Variants in CFHR5 observed in about 807,000 individuals in gnomAD.
CFHR5 encodes the protein complement factor H related 5.
CFHR5 carries 73 observed loss-of-function variants against 62.9 expected under a neutral mutation model. The observed-to-expected ratio is 1.16, with a 90% CI of 0.96 to 1.41. The LOEUF (loss-of-function observed/expected upper bound fraction) is 1.41. Among genes scored for constraint, CFHR5 ranks in the 40% most tolerant of loss-of-function variants. CFHR5 has a pLI of 0.00. For synonymous variants in CFHR5, 249 were observed against 227.2 expected (o/e 1.10, Z -0.86); for missense variants, 779 against 679.9 (o/e 1.15, Z -1.62).
At chr1:196,976,659 T>G (rs6694672), upstream of CFHR5, among the ~76,000 whole-genome samples, 27,692 of 151,970 alleles carry the variant, frequency 0.18, 4,367 homozygotes, top group African/African-American at 0.43. Flanking sequence ...TTATCCAGTT[T>G]TATTGCTGCC....
Position 196,994,250 on chromosome 1 carries a change from T to A in CFHR5, c.601T>A (p.Cys201Ser). The change falls in exon 4 of 10, where the codon TGC becomes AGC. Residue 201 changes from cysteine to serine, a missense_variant. Physicochemically the swap from Cys to Ser is moderately radical, Grantham distance 112. Transcript: ENST00000256785. ...TGGGTGGTCACCTAACTTTCCAACA[T>A]GCAAAGGTCAGTATTTATTTTAGAA... ...QFGWSPNFPT[C>S]KGQVRSCGPP... 6 of 1,610,854 alleles carry A rather than the reference T, an allele frequency of 3.7e-6. No homozygotes were observed. The highest frequency in any genetic ancestry group is 5.1e-6 in the Non-Finnish European group (6 of 1,177,226).
In CFHR5 at chr1:196,984,052, C is replaced by T. The variant is rs1653616314; in HGVS notation, c.345C>T (p.Asn115=). 32 of 1,613,442 alleles carry T rather than the reference C, an allele frequency of 2.0e-5. No homozygotes were observed. Among genetic ancestry groups the T allele is most frequent in the Non-Finnish European group, 2.7e-5 (32 of 1,179,552 alleles). ...GTGATACTGTACAAATTATTTGCAA[C>T]ACAGGATACAGCCTTCAAAACAATG... ...LEGDTVQIIC[N]TGYSLQNNEK... The change falls in exon 3 of 10, where the codon AAC becomes AAT. Residue 115 remains asparagine (N), a synonymous_variant. Transcript: ENST00000256785.
Position 197,009,381 on chromosome 1 carries a change from C to T in CFHR5, c.*698C>T, listed in dbSNP as rs1654378315. The T allele has an allele frequency of 1.3e-5, 2 of 152,290 alleles. No homozygotes were observed. The highest frequency in any genetic ancestry group is 3.4e-3 in the Middle Eastern group (1 of 294). 9.4% of individuals were successfully genotyped at this position (152,290 alleles called of 1,614,324 possible). A position where few individuals can be genotyped will look rare whatever the true frequency, so the allele number is the denominator to read the frequency against. On this transcript the variant is annotated 3_prime_UTR_variant, in exon 10 of 10. Transcript: ENST00000256785. ...CATGGGGAATTTTATTCATAAATGT[C>T]CACAGAAACAGTAAATGTTCTCGCT...
chr1:196,998,129 A>G lies in CFHR5; in HGVS notation c.972A>G (p.Ala324=), dbSNP rs1318586171. The G allele has an allele frequency of 5.3e-6, 8 of 1,520,884 alleles. No homozygotes were observed. In the African/African-American group the frequency reaches 6.9e-5, roughly 13 times the overall value. 94.2% of individuals were successfully genotyped at this position (1,520,884 alleles called of 1,614,324 possible). The change falls in exon 7 of 10, where the codon GCA becomes GCG. Residue 324 remains alanine, a splice_region_variant and synonymous_variant. Coordinates refer to ENST00000256785, the MANE Select transcript of CFHR5 (RefSeq NM_030787.4). ...TCTATTTAATATTATTTTTTATAGCAACACACCAACTTAAGAGGTGCAAAA... is the reference window on the plus strand; with the variant it reads ...TCTATTTAATATTATTTTTTATAGCGACACACCAACTTAAGAGGTGCAAAA... ...GIWTELPMCV[A]THQLKRCKIA... is the part of the protein sequence containing the mutation.
At chr1:196,996,315 C>T (rs894977270) in intron 6 of CFHR5, 114 bp downstream of exon 6, 2 of 814,492 alleles carry the variant, frequency 2.5e-6, no homozygotes, top group African/African-American at 3.4e-5. Context: ...CTCTTCCTTC[C>T]ACAAGTAAAA....
chr1:196,999,712 T>TACAC (rs1472655398), intron 7 of CFHR5, among the ~76,000 whole-genome samples: 2 of 48,358 alleles, frequency 4.1e-5, no homozygotes, highest in Non-Finnish European at 9.6e-5. Context: ...TATATATATA[T>TACAC]ATATATATAT....
intron 3 of CFHR5, among the ~76,000 whole-genome samples, chr1:196,993,416 TC>T (rs943527888): frequency 5.9e-5 from 9 of 152,212 alleles, no homozygotes; most frequent in African/African-American, 1.4e-4. Context: ...TGCCTCAGCC[TC>T]CCTAGTAGTT....
intron 3 of CFHR5, among the ~76,000 whole-genome samples, chr1:196,988,209 A>C (rs1459097788): frequency 6.6e-6 from 1 of 152,122 alleles, no homozygotes; most frequent in Non-Finnish European, 1.5e-5. Context: ...TGATTTTTGC[A>C]CATTGATTTT....
chr1:196,997,950 G>A (rs1191027286), intron 6 of CFHR5, among the ~76,000 whole-genome samples, 178 bp from the exon 7 acceptor site: 1 of 151,916 alleles, frequency 6.6e-6, no homozygotes, highest in African/African-American at 2.4e-5. Flanking sequence ...TTCAAAGATG[G>A]GATACAGTTT....
In CFHR5 at chr1:197,009,512, G is replaced by A. The variant is rs897759055; in HGVS notation, c.*829G>A. On this transcript the variant is annotated 3_prime_UTR_variant, in exon 10 of 10. Coordinates refer to ENST00000256785, the MANE Select transcript of CFHR5 (RefSeq NM_030787.4). ...AAAAGGAAATGTAGATGTTATTTTA[G>A]TCTCTATCTTCATGTTATTATCACT... is the stretch of plus-strand genomic sequence containing the variant. The A allele has an allele frequency of 3.3e-5, 5 of 152,068 alleles. No individual in the cohort carries two copies. The highest frequency in any genetic ancestry group is 1.2e-4 in the African/African-American group (5 of 41,414). The allele number at this position is 152,068 out of a possible 1,614,324, so 9.4% of individuals were successfully genotyped here.
At chr1:196,986,956 A>C (rs1653698888) in intron 3 of CFHR5, among the ~76,000 whole-genome samples, 1 of 152,184 alleles carries the variant, frequency 6.6e-6, no homozygotes, top group Non-Finnish European at 1.5e-5. Context: ...TGTCTACCAC[A>C]ATGGTTGAAC....
At position 197,004,704 on chromosome 1, in the gene CFHR5, A is replaced by C. The variant is rs761047224; in HGVS notation, c.1374A>C (p.Gly458=). 1 of 1,613,674 alleles carries C rather than the reference A, an allele frequency of 6.2e-7. No individual in the cohort carries two copies. The highest frequency in any genetic ancestry group is 8.5e-7 in the Non-Finnish European group (1 of 1,179,642). Residue 458 remains glycine, a synonymous_variant, in exon 9 of 10, where the codon GGA becomes GGC. Coordinates refer to ENST00000256785, the MANE Select transcript of CFHR5 (RefSeq NM_030787.4). ...GGCCCCCTCCATCTATTAACAATGG[A>C]GATACCACCTCATTCCCATTATCAG... ...YCGPPPSINN[G]DTTSFPLSVY...
At chr1:196,976,972 AT>A (rs970612061), upstream of CFHR5, among the ~76,000 whole-genome samples, 2 of 150,442 alleles carry the variant, frequency 1.3e-5, no homozygotes, top group Non-Finnish European at 3.0e-5. Context: ...GCCTGGCTAA[AT>A]TTTTTTTGTA....
intron 9 of CFHR5, among the ~76,000 whole-genome samples, chr1:197,006,301 C>CA (rs563183789): frequency 1.3e-5 from 2 of 151,698 alleles, no homozygotes; most frequent in Non-Finnish European, 2.9e-5. Context: ...AACAAACAAG[C>CA]AAAAAAACCC....
chr1:196,986,686 A>G (rs1653691019), intron 3 of CFHR5, among the ~76,000 whole-genome samples: 1 of 152,096 alleles, frequency 6.6e-6, no homozygotes, highest in South Asian at 2.1e-4. Flanking sequence ...TGACCCTGCA[A>G]AGGACAAGAA....
chr1:196,998,516 T>G (rs530022315), intron 7 of CFHR5, among the ~76,000 whole-genome samples: 2 of 152,086 alleles, frequency 1.3e-5, no homozygotes, highest in African/African-American at 2.4e-5. Context: ...TAAAGCTGTT[T>G]TTACTCTATT....
At chr1:196,993,021 AAACT>A (rs1271448200) in intron 3 of CFHR5, among the ~76,000 whole-genome samples, 1 of 152,138 alleles carries the variant, frequency 6.6e-6, no homozygotes, top group Non-Finnish European at 1.5e-5. Flanking sequence ...ATAATTTTAT[AAACT>A]AACCATTAAT....
At chr1:196,979,348 C>T (rs1444496560) in intron 1 of CFHR5, among the ~76,000 whole-genome samples, 1 of 151,352 alleles carries the variant, frequency 6.6e-6, no homozygotes. Flanking sequence ...TAGGCAATTT[C>T]GTCCTCCTGC....
chr1:196,994,033 G>T, intron 3 of CFHR5, 47 bp from the exon 4 acceptor site: 1 of 1,439,662 alleles, frequency 6.9e-7, no homozygotes, highest in South Asian at 1.1e-5. Flanking sequence ...CATTAAATTT[G>T]TTTCTGCAAT....
Sources: gnomAD v4.1 joint callset for allele counts (sites outside exome capture counted in the v4.1 genomes callset) on GRCh38, gnomAD v4.1.1 for gene constraint, MANE v1.5 for transcripts, NCBI Gene and HGNC (gene_info 2026-07-23, HGNC 2026-07-21) for gene names.